PIK3C2G: variants seen among roughly 807,000 people sequenced by gnomAD.
PIK3C2G encodes the protein phosphatidylinositol 3-kinase C2 domain-containing subunit gamma.
Under a neutral mutation model 181.1 loss-of-function variants are expected in PIK3C2G, and 168 were observed. The ratio of observed to expected loss-of-function variants is 0.93; its 90% CI spans 0.82 to 1.05. PIK3C2G has a LOEUF of 1.05. Ranked by LOEUF, PIK3C2G falls within the 50% of genes least tolerant of loss-of-function variation. The probability of loss-of-function intolerance (pLI) is 0.00; values close to 1 mark genes in which losing one functional copy is unlikely to be tolerated. For synonymous variants in PIK3C2G, 573 were observed against 592.2 expected (o/e 0.97, Z 0.47); for missense variants, 1,869 against 1,732.8 (o/e 1.08, Z -1.40).
intron 25 of PIK3C2G, among the ~76,000 whole-genome samples, chr12:18,544,482 A>G (rs1944319638): frequency 6.6e-6 from 1 of 151,868 alleles, no homozygotes; most frequent in South Asian, 2.1e-4. Context: ...GCAAATGAAG[A>G]TGAGGGGCTG....
At position 18,254,850 on chromosome 12, in the gene PIK3C2G, T is replaced by C. The variant is rs192699955; in HGVS notation, c.-79+6768T>C. ...CTAGGTGACAGAGTGAGACTCTGTC[T>C]CAAAATAATAATAATAATAATAATT... On this transcript the variant is annotated intron_variant, in intron 1 of 11. Coordinates refer to the PIK3C2G transcript ENST00000535651. Among the ~76,000 whole-genome samples, 612 of 151,820 alleles carry C rather than the reference T, an allele frequency of 4.0e-3. 2 individuals are homozygous for C. Among genetic ancestry groups the C allele is most frequent in the Non-Finnish European group, 4.9e-3 (336 of 67,956 alleles).
chr12:18,445,309 A>T (rs993552246), intron 18 of PIK3C2G, among the ~76,000 whole-genome samples: 1 of 152,136 alleles, frequency 6.6e-6, no homozygotes, highest in Non-Finnish European at 1.5e-5. Context: ...ATAAGCAAGT[A>T]ATTCCATTAA....
At chr12:18,450,569 A>G (rs570479505) in intron 18 of PIK3C2G, among the ~76,000 whole-genome samples, 2 of 152,254 alleles carry the variant, frequency 1.3e-5, no homozygotes, top group East Asian at 3.9e-4. Flanking sequence ...TTTGCTGTGC[A>G]GAATCTTTAG....
upstream of PIK3C2G, among the ~76,000 whole-genome samples, chr12:18,243,768 T>C (rs906061276): frequency 1.3e-5 from 2 of 152,010 alleles, no homozygotes; most frequent in African/African-American, 4.8e-5. Flanking sequence ...AAACTCTAAA[T>C]GTGACACCCA....
chr12:18,683,205 G>T, the PIK3C2G span: 1 of 1,563,022 alleles, frequency 6.4e-7, no homozygotes, highest in Non-Finnish European at 8.8e-7. Context: ...TTATTGCGAT[G>T]CATAGCTAAT....
At chr12:18,316,866 G>C (rs558986163) in intron 6 of PIK3C2G, among the ~76,000 whole-genome samples, 61 of 152,242 alleles carry the variant, frequency 4.0e-4, no homozygotes, top group South Asian at 1.0e-3. Context: ...CTAATGCGTA[G>C]AGTAGTGAGC....
chr12:18,671,923 T>A, the PIK3C2G span, among the ~76,000 whole-genome samples: 7 of 152,210 alleles, frequency 4.6e-5, no homozygotes, highest in East Asian at 1.4e-3. Context: ...TTTCATGACA[T>A]CTTGACTTGG....
At chr12:18,615,330 G>GGTGT (rs3055216) in intron 31 of PIK3C2G, among the ~76,000 whole-genome samples, 3,877 of 138,146 alleles carry the variant, frequency 0.028, 50 homozygotes, top group Middle Eastern at 0.094. Flanking sequence ...AGTATTCCAC[G>GGTGT]GTGTGTGTGT....
the PIK3C2G span, chr12:18,696,027 C>G: frequency 5.1e-6 from 3 of 586,610 alleles, no homozygotes; most frequent in Non-Finnish European, 9.3e-6. Context: ...AGTGCCTGAC[C>G]CCAAAGCCCC....
intron 24 of PIK3C2G, among the ~76,000 whole-genome samples, chr12:18,530,616 A>G (rs1328356489): frequency 1.3e-5 from 2 of 152,124 alleles, no homozygotes; most frequent in Non-Finnish European, 2.9e-5. Flanking sequence ...CTGCGTGCCC[A>G]CCCAAATCTC....
chr12:18,713,370 A>G, the PIK3C2G span, among the ~76,000 whole-genome samples: 1 of 152,186 alleles, frequency 6.6e-6, no homozygotes, highest in East Asian at 1.9e-4. Flanking sequence ...ATACCATTCA[A>G]AAGTGATAAT....
intron 12 of PIK3C2G, among the ~76,000 whole-genome samples, chr12:18,366,784 T>G (rs529083308): frequency 6.6e-6 from 1 of 151,264 alleles, no homozygotes; most frequent in East Asian, 1.9e-4. Context: ...GTGTCTCTTA[T>G]TTTTTTTTCC....
chr12:18,608,406 A>G lies in PIK3C2G; in HGVS notation c.4088-1129A>G, dbSNP rs1184948071. Among the ~76,000 whole-genome samples, 10 of 152,178 alleles carry G rather than the reference A, an allele frequency of 6.6e-5. 1 individual carries two copies. The highest frequency in any genetic ancestry group is 1.7e-4 in the African/African-American group (7 of 41,508). ...AAAATGATGAGTTCATATCCTTTGTAGGGACATGGATGAAGCTGGAAACCA... is the reference window on the plus strand; with the variant it reads ...AAAATGATGAGTTCATATCCTTTGTGGGGACATGGATGAAGCTGGAAACCA... On this transcript the variant is annotated intron_variant, in intron 30 of 32. Transcript: ENST00000538779.
At chr12:18,726,685 A>G in the PIK3C2G span, among the ~76,000 whole-genome samples, 2 of 152,196 alleles carry the variant, frequency 1.3e-5, no homozygotes, top group Non-Finnish European at 2.9e-5. Context: ...AAAATATGAA[A>G]TGTTATTTAA....
At chr12:18,560,276 A>C (rs1193566430) in intron 26 of PIK3C2G, among the ~76,000 whole-genome samples, 1 of 152,130 alleles carries the variant, frequency 6.6e-6, no homozygotes, top group Non-Finnish European at 1.5e-5. Flanking sequence ...TGAAAGTCAT[A>C]TAGAATTATA....
intron 5 of PIK3C2G, among the ~76,000 whole-genome samples, chr12:18,311,054 A>G (rs1950615677): frequency 6.6e-6 from 1 of 151,996 alleles, no homozygotes; most frequent in African/African-American, 2.4e-5. Flanking sequence ...TATTTTGTAG[A>G]GTTGAGTAAA....
chr12:18,364,040 T>C (rs1194856303), intron 12 of PIK3C2G, among the ~76,000 whole-genome samples: 2 of 152,220 alleles, frequency 1.3e-5, no homozygotes, highest in Non-Finnish European at 2.9e-5. Flanking sequence ...CCAATTCTTA[T>C]AAGGCAAAGT....
At chr12:18,700,538 A>AAAAAAAAAGG in the PIK3C2G span, among the ~76,000 whole-genome samples, 2 of 135,918 alleles carry the variant, frequency 1.5e-5, no homozygotes, top group East Asian at 2.2e-4. Context: ...AAAAAAAAAT[A>AAAAAAAAAGG]GTTGCTCTGC....
At chr12:18,613,760 T>A (rs902250358) in intron 31 of PIK3C2G, among the ~76,000 whole-genome samples, 3 of 152,060 alleles carry the variant, frequency 2.0e-5, no homozygotes, top group African/African-American at 7.2e-5. Flanking sequence ...AAATGGTTCA[T>A]GGACCACTTT....
Sources: gnomAD v4.1 joint callset for allele counts (sites outside exome capture counted in the v4.1 genomes callset) on GRCh38, gnomAD v4.1.1 for gene constraint, MANE v1.5 for transcripts, NCBI Gene and HGNC (gene_info 2026-07-23, HGNC 2026-07-21) for gene names.